Variants in SLC67A2 observed in about 807,000 individuals in gnomAD.
SLC67A2 encodes solute carrier family 67 member 2.
At chr2:102,731,965 T>C in the SLC67A2 span, 1 of 360,722 alleles carries the variant, frequency 2.8e-6, no homozygotes, top group South Asian at 2.5e-5. Context: ...AGATTATGTT[T>C]CCCTGGTCTC....
the SLC67A2 span, among the ~76,000 whole-genome samples, chr2:102,724,071 T>C: frequency 1.3e-5 from 2 of 152,306 alleles, no homozygotes; most frequent in East Asian, 3.9e-4. Flanking sequence ...TGATCTTCTT[T>C]TTCTTTGAAC....
chr2:102,729,615 A>G, the SLC67A2 span, among the ~76,000 whole-genome samples: 2 of 152,344 alleles, frequency 1.3e-5, no homozygotes, highest in South Asian at 4.1e-4. Flanking sequence ...TTACCTATTT[A>G]CCATTTTATA....
At chr2:102,718,791 C>T in the SLC67A2 span, 2 of 1,613,788 alleles carry the variant, frequency 1.2e-6, no homozygotes, top group Admixed American at 3.3e-5. Flanking sequence ...AGCAGCAGTG[C>T]CTGCGAGTTG....
chr2:102,721,980 G>C, the SLC67A2 span, among the ~76,000 whole-genome samples: 1 of 152,170 alleles, frequency 6.6e-6, no homozygotes, highest in East Asian at 1.9e-4. Context: ...TGCTGGGATT[G>C]CAGGCATGAG....
At chr2:102,716,262 T>G in the SLC67A2 span, 2 of 152,234 alleles carry the variant, frequency 1.3e-5, no homozygotes, top group Non-Finnish European at 2.9e-5. Flanking sequence ...AATAAAGTGC[T>G]ACGATTTTTA....
chr2:102,733,826 T>A, the SLC67A2 span, among the ~76,000 whole-genome samples: 14 of 152,008 alleles, frequency 9.2e-5, no homozygotes, highest in East Asian at 2.7e-3. Flanking sequence ...GAGAGAAATA[T>A]TTAGGTCAAG....
the SLC67A2 span, chr2:102,723,961 C>G: frequency 6.3e-6 from 9 of 1,420,058 alleles, no homozygotes; most frequent in South Asian, 1.2e-5. Flanking sequence ...CCATAAGTAT[C>G]TTACTTATGA....
chr2:102,718,619 C>T, the SLC67A2 span: 19 of 1,613,446 alleles, frequency 1.2e-5, no homozygotes, highest in South Asian at 2.0e-4. Flanking sequence ...AATAAGGGTG[C>T]CGCTGGCCTG....
the SLC67A2 span, chr2:102,718,370 C>T: frequency 1.9e-6 from 3 of 1,598,076 alleles, no homozygotes; most frequent in South Asian, 2.3e-5. Context: ...TGGCCTCCGG[C>T]CCTCATTCAA....
chr2:102,715,022 C>T, the SLC67A2 span, among the ~76,000 whole-genome samples: 1 of 152,142 alleles, frequency 6.6e-6, no homozygotes, highest in African/African-American at 2.4e-5. Context: ...ACACTCATCA[C>T]CTGGGAATTA....
chr2:102,719,050 C>A, the SLC67A2 span: 3 of 1,614,252 alleles, frequency 1.9e-6, no homozygotes, highest in Admixed American at 1.7e-5. Flanking sequence ...CGACCCAGGG[C>A]TGGGCAGTCT....
chr2:102,721,903 A>T, the SLC67A2 span, among the ~76,000 whole-genome samples: 4 of 152,082 alleles, frequency 2.6e-5, no homozygotes, highest in African/African-American at 9.7e-5. Flanking sequence ...ACAGGGTCTC[A>T]CTATCTTTCC....
chr2:102,731,133 T>C, the SLC67A2 span: 2 of 1,377,848 alleles, frequency 1.5e-6, no homozygotes, highest in Non-Finnish European at 2.1e-6. Context: ...ATTAATGTGA[T>C]AACAATTACA....
the SLC67A2 span, chr2:102,731,993 T>C: frequency 4.6e-6 from 2 of 435,056 alleles, no homozygotes; most frequent in Non-Finnish European, 9.1e-6. Flanking sequence ...AGGTTAAGGG[T>C]TCCTGTAGGC....
At chr2:102,718,204 G>T in the SLC67A2 span, 1 of 572,972 alleles carries the variant, frequency 1.7e-6, no homozygotes, top group Non-Finnish European at 3.1e-6. Context: ...GAAAAGCTTT[G>T]CTCCAGTCTT....
chr2:102,733,348 A>G, the SLC67A2 span, among the ~76,000 whole-genome samples: 34,567 of 152,130 alleles, frequency 0.23, 3,918 homozygotes, highest in Middle Eastern at 0.27. Context: ...AAGAACTCGC[A>G]TGAAATATGT....
chr2:102,719,040 C>T, the SLC67A2 span: 14 of 1,614,112 alleles, frequency 8.7e-6, no homozygotes, highest in African/African-American at 2.7e-5. Context: ...AACACTACTT[C>T]GACCCAGGGC....
chr2:102,719,783 GC>G, the SLC67A2 span, among the ~76,000 whole-genome samples: 4 of 152,320 alleles, frequency 2.6e-5, no homozygotes. Flanking sequence ...AGTGCAGGCT[GC>G]CACATATGTG....
At chr2:102,732,334 C>A in the SLC67A2 span, 1 of 1,613,126 alleles carries the variant, frequency 6.2e-7, no homozygotes, top group African/African-American at 1.3e-5. Context: ...ACTATTCCAG[C>A]AACTGTTGGA....
Sources: allele counts gnomAD v4.1 joint callset (sites outside exome capture counted in the v4.1 genomes callset), GRCh38; gene constraint gnomAD v4.1.1; transcripts MANE v1.5; gene names NCBI Gene and HGNC (gene_info 2026-07-23, HGNC 2026-07-21).